Variants in SH3GL3 observed in about 807,000 individuals in gnomAD.
SH3GL3 encodes the protein SH3 domain containing GRB2 like 3, endophilin A3, also known as endophilin-A3.
Under a neutral mutation model 47.7 loss-of-function variants are expected in SH3GL3, and 33 were observed. That is an observed-to-expected ratio of 0.69 (90% CI 0.52 to 0.92). SH3GL3 has a LOEUF of 0.92. Ranked by LOEUF, SH3GL3 falls within the 40% of genes least tolerant of loss-of-function variation. The probability of loss-of-function intolerance (pLI) is 0.00; values close to 1 mark genes in which losing one functional copy is unlikely to be tolerated. For synonymous variants in SH3GL3, 155 were observed against 148.8 expected, an observed-to-expected ratio of 1.04 and a Z score of -0.30; for missense variants, 363 against 417.8, an observed-to-expected ratio of 0.87 and a Z score of 1.14.
chr15:83,628,753 A>AAAAAC, the SH3GL3 span, among the ~76,000 whole-genome samples: 5 of 152,264 alleles, frequency 3.3e-5, no homozygotes, highest in African/African-American at 7.2e-5. Flanking sequence ...TCTCAAAAAC[A>AAAAAC]AAAACAAAAC....
chr15:83,625,495 G>C, the SH3GL3 span, among the ~76,000 whole-genome samples: 1 of 152,188 alleles, frequency 6.6e-6, no homozygotes, highest in African/African-American at 2.4e-5. Context: ...AGGACATGCA[G>C]CCAAACCAGA....
intron 1 of SH3GL3, among the ~76,000 whole-genome samples, chr15:83,497,233 A>G (rs1269011049): frequency 6.6e-6 from 1 of 151,558 alleles, no homozygotes; most frequent in East Asian, 1.9e-4. Context: ...CAGCCCCAAG[A>G]CCCCGTGGTA....
chr15:83,577,485 C>T (rs953295278), intron 6 of SH3GL3, among the ~76,000 whole-genome samples: 7 of 152,184 alleles, frequency 4.6e-5, no homozygotes, highest in Middle Eastern at 3.4e-3. Context: ...ACTGCAGCCT[C>T]GACCTCCCAG....
intron 1 of SH3GL3, among the ~76,000 whole-genome samples, chr15:83,459,704 C>T (rs930753355): frequency 1.3e-5 from 2 of 152,160 alleles, no homozygotes; most frequent in South Asian, 4.1e-4. Flanking sequence ...GAAAGTGCTG[C>T]CTTCTTCATT....
the SH3GL3 span, among the ~76,000 whole-genome samples, chr15:83,625,577 A>G: frequency 2.6e-5 from 4 of 152,138 alleles, no homozygotes; most frequent in Non-Finnish European, 5.9e-5. Context: ...AATCATTCCA[A>G]GTTTGATTCC....
intron 8 of SH3GL3, among the ~76,000 whole-genome samples, chr15:83,594,757 G>A (rs2585064): frequency 0.12 from 18,224 of 152,116 alleles, 1,506 homozygotes; most frequent in Admixed American, 0.25. Flanking sequence ...TGAGTTTCTG[G>A]GAAGAAGATC....
intron 1 of SH3GL3, among the ~76,000 whole-genome samples, chr15:83,534,221 C>T (rs1025489819): frequency 6.6e-6 from 1 of 152,096 alleles, no homozygotes; most frequent in African/African-American, 2.4e-5. Flanking sequence ...TGGGATTTAC[C>T]CTTGCCAGAT....
chr15:83,570,521 G>A (rs1343258170), intron 4 of SH3GL3, among the ~76,000 whole-genome samples: 4 of 152,064 alleles, frequency 2.6e-5, no homozygotes, highest in African/African-American at 9.7e-5. Context: ...ATTTAAAAAA[G>A]TCATTAAATT....
At chr15:83,490,736 T>C (rs980706792) in intron 1 of SH3GL3, 1 of 1,578,950 alleles carries the variant, frequency 6.3e-7, no homozygotes, top group African/African-American at 1.4e-5. Flanking sequence ...TGGAATTTGT[T>C]CACTTTTAAT....
chr15:83,590,834 G>A (rs2060075230), intron 8 of SH3GL3, among the ~76,000 whole-genome samples: 1 of 152,022 alleles, frequency 6.6e-6, no homozygotes, highest in African/African-American at 2.4e-5. Context: ...TTCTATATAT[G>A]TGATTTGCAA....
At chr15:83,488,522 C>T (rs10152284) in intron 1 of SH3GL3, among the ~76,000 whole-genome samples, 29,657 of 152,192 alleles carry the variant, frequency 0.19, 3,316 homozygotes, top group South Asian at 0.45. Flanking sequence ...TGTTAGCCCA[C>T]ATGGTGCTCT....
intron 1 of SH3GL3, among the ~76,000 whole-genome samples, chr15:83,541,312 ATTTTTTTTTTTTTTTTT>A (rs71156085): frequency 0.014 from 680 of 47,316 alleles, 12 homozygotes; most frequent in East Asian, 0.1. Context: ...TGGTAATTCT[ATTTTTTTTTTTTTTTTT>A]TTTTTTTTTT....
intron 1 of SH3GL3, among the ~76,000 whole-genome samples, chr15:83,523,947 TAA>T (rs3078535): frequency 0.17 from 22,161 of 131,606 alleles, 1,813 homozygotes; most frequent in Middle Eastern, 0.25. Context: ...TTCAGCAATC[TAA>T]AAAAAAAAAA....
chr15:83,509,561 T>C (rs1429726288), intron 1 of SH3GL3, among the ~76,000 whole-genome samples: 5 of 152,196 alleles, frequency 3.3e-5, no homozygotes, highest in Non-Finnish European at 5.9e-5. Flanking sequence ...TCCAGTTTTA[T>C]TGGTGTGATA....
intron 8 of SH3GL3, among the ~76,000 whole-genome samples, chr15:83,608,486 A>C (rs1399175191): frequency 6.6e-6 from 1 of 152,220 alleles, no homozygotes; most frequent in Non-Finnish European, 1.5e-5. Flanking sequence ...TATCTGGGTC[A>C]GATAGAGAGA....
chr15:83,489,885 AGATAATAGATAGATAGATAATAG>A (rs2041796472), intron 1 of SH3GL3, among the ~76,000 whole-genome samples: 2 of 149,090 alleles, frequency 1.3e-5, no homozygotes, highest in African/African-American at 2.6e-5. Context: ...ATAGATAGAT[AGATAATAGATAGATAGATAATAG>A]ATAGATGATT....
rs2039568862 is a variant in SH3GL3 at position 83,448,542 on chromosome 15, G to T, written c.45+964G>T. Among the ~76,000 whole-genome samples the T allele has an allele frequency of 6.6e-6, 1 of 151,514 alleles. No individual in the cohort carries two copies. Among genetic ancestry groups the T allele is most frequent in the Non-Finnish European group, 1.5e-5 (1 of 67,958 alleles). ...TGCAGGCTCTTCCAGCTATGGCAGA[G>T]CTCACGTTGTAAAACCTGTTCCCCA... On this transcript the variant is annotated intron_variant, in intron 1 of 8. Coordinates refer to ENST00000427482, the MANE Select transcript of SH3GL3 (RefSeq NM_003027.5). The surrounding 1 kb of genome is among the most constrained non-coding windows in gnomAD (Gnocchi z 4.2).
At chr15:83,633,189 A>AT in the SH3GL3 span, among the ~76,000 whole-genome samples, 1 of 152,200 alleles carries the variant, frequency 6.6e-6, no homozygotes, top group South Asian at 2.1e-4. Context: ...TTTTAAGGTG[A>AT]TTTGGTATTA....
At chr15:83,591,758 T>C (rs570944532) in intron 8 of SH3GL3, among the ~76,000 whole-genome samples, 1 of 152,348 alleles carries the variant, frequency 6.6e-6, no homozygotes, top group Non-Finnish European at 1.5e-5. Context: ...CCATCTCGGC[T>C]CACTGCAAGC....
Sources: allele counts gnomAD v4.1 joint callset (sites outside exome capture counted in the v4.1 genomes callset), GRCh38; gene constraint gnomAD v4.1.1; non-coding constraint Gnocchi (gnomAD v3.1); transcripts MANE v1.5; gene names NCBI Gene and HGNC (gene_info 2026-07-23, HGNC 2026-07-21).